Variants in IGSF11 observed in about 807,000 individuals in gnomAD.
IGSF11 encodes CXADR like 1.
In IGSF11, 22 loss-of-function variants were observed where a neutral mutation model predicts 41.0. That is an observed-to-expected ratio of 0.54 (90% CI 0.38 to 0.77). The LOEUF (loss-of-function observed/expected upper bound fraction) is 0.77, where lower values mean the gene tolerates loss of function less well. Ranked by LOEUF, IGSF11 falls within the 30% of genes least tolerant of loss-of-function variation. The pLI is 0.00. For missense variants in IGSF11, 444 were observed against 530.8 expected, an observed-to-expected ratio of 0.84 and a Z score of 1.61; for synonymous variants, 219 against 201.3, an observed-to-expected ratio of 1.09 and a Z score of -0.74.
chr3:119,077,102 G>A (rs993902353), intron 1 of IGSF11, among the ~76,000 whole-genome samples: 4 of 152,170 alleles, frequency 2.6e-5, no homozygotes, highest in African/African-American at 9.6e-5. Context: ...AAAAGGATGA[G>A]TTCATGTCCT....
intron 1 of IGSF11, among the ~76,000 whole-genome samples, chr3:118,953,362 G>A (rs531672387): frequency 1.3e-5 from 2 of 152,304 alleles, no homozygotes; most frequent in East Asian, 3.9e-4. Flanking sequence ...AAACACACAT[G>A]TGAAAGTATC....
At chr3:119,135,068 G>T (rs921119547) in intron 1 of IGSF11, among the ~76,000 whole-genome samples, 12 of 152,082 alleles carry the variant, frequency 7.9e-5, no homozygotes, top group Admixed American at 7.9e-4. Flanking sequence ...AATTCAAGAC[G>T]GATTAAAGAC....
At chr3:119,117,661 C>G (rs1475176679) in intron 1 of IGSF11, among the ~76,000 whole-genome samples, 3 of 152,168 alleles carry the variant, frequency 2.0e-5, no homozygotes, top group Non-Finnish European at 4.4e-5. Context: ...GCCTTCCCAA[C>G]AGTCCCCCAA....
chr3:119,065,303 G>C (rs1035264498), intron 1 of IGSF11, among the ~76,000 whole-genome samples: 2 of 152,076 alleles, frequency 1.3e-5, no homozygotes, highest in African/African-American at 2.4e-5. Context: ...TATATAGATT[G>C]TCTTCACTGA....
At chr3:118,939,023 T>C (rs150656589) in intron 1 of IGSF11, among the ~76,000 whole-genome samples, 1,649 of 152,280 alleles carry the variant, frequency 0.011, 30 homozygotes, top group African/African-American at 0.036. Flanking sequence ...CATTAACTTA[T>C]AGAACAGACA....
chr3:118,935,395 CAT>C (rs1377710910), intron 1 of IGSF11, among the ~76,000 whole-genome samples: 2,119 of 102,504 alleles, frequency 0.021, 60 homozygotes, highest in African/African-American at 0.064. Context: ...CACACACACA[CAT>C]ACACACACAC....
intron 1 of IGSF11, among the ~76,000 whole-genome samples, chr3:119,068,291 T>C (rs1942294119): frequency 1.3e-5 from 2 of 152,234 alleles, no homozygotes; most frequent in Non-Finnish European, 2.9e-5. Context: ...ATTTGTCCAC[T>C]TCTACCTATA....
intron 1 of IGSF11, among the ~76,000 whole-genome samples, chr3:118,991,503 A>T (rs1935790183): frequency 6.6e-6 from 1 of 152,244 alleles, no homozygotes; most frequent in Non-Finnish European, 1.5e-5. Context: ...GAAATACCAC[A>T]ATTAACCTGT....
intron 1 of IGSF11, among the ~76,000 whole-genome samples, chr3:119,118,461 G>A (rs1163692888): frequency 6.6e-6 from 1 of 152,182 alleles, no homozygotes; most frequent in Non-Finnish European, 1.5e-5. Context: ...GGGATGCAAG[G>A]CACCAAGTCC....
intron 4 of IGSF11, among the ~76,000 whole-genome samples, chr3:118,912,233 GT>G (rs1222806712): frequency 6.6e-6 from 1 of 151,958 alleles, no homozygotes; most frequent in African/African-American, 2.4e-5. Flanking sequence ...GAAGGGAGGT[GT>G]TTTTTTTCTA....
intron 1 of IGSF11, among the ~76,000 whole-genome samples, chr3:118,935,418 G>A (rs1054616869): frequency 6.1e-5 from 8 of 132,160 alleles, no homozygotes; most frequent in South Asian, 2.5e-4. Context: ...ATATACATAC[G>A]TATATACATA....
chr3:119,083,532 AC>A (rs2076620271), intron 1 of IGSF11, among the ~76,000 whole-genome samples: 16 of 46,064 alleles, frequency 3.5e-4, no homozygotes, highest in Admixed American at 5.7e-4. Context: ...ACACACACAC[AC>A]ACAAACACAC....
At chr3:119,065,579 G>A (rs548363955) in intron 1 of IGSF11, among the ~76,000 whole-genome samples, 7 of 152,156 alleles carry the variant, frequency 4.6e-5, no homozygotes, top group Non-Finnish European at 1.0e-4. Flanking sequence ...GATTACCTGA[G>A]GTCAGGAGGT....
At chr3:119,109,556 AT>A (rs201625137), upstream of IGSF11, among the ~76,000 whole-genome samples, 2,256 of 152,198 alleles carry the variant, frequency 0.015, 89 homozygotes, top group East Asian at 0.15. Flanking sequence ...GGATTCATTA[AT>A]TTTTTGAAGG....
intron 1 of IGSF11, among the ~76,000 whole-genome samples, chr3:119,071,828 A>G (rs1343321938): frequency 6.6e-6 from 1 of 152,154 alleles, no homozygotes; most frequent in Non-Finnish European, 1.5e-5. Flanking sequence ...CATGATATCC[A>G]TATGAATTTG....
At chr3:119,107,262 T>C (rs1301884217), upstream of IGSF11, among the ~76,000 whole-genome samples, 2 of 152,242 alleles carry the variant, frequency 1.3e-5, no homozygotes, top group East Asian at 1.9e-4. Flanking sequence ...GTTTCCTGAC[T>C]CTTCAATGAT....
intron 1 of IGSF11, among the ~76,000 whole-genome samples, chr3:118,982,690 T>A (rs1248266454): frequency 6.6e-6 from 1 of 152,132 alleles, no homozygotes; most frequent in Non-Finnish European, 1.5e-5. Context: ...TTAAGGAGGA[T>A]ATCTTAATGA....
At chr3:118,982,911 G>A (rs985557050) in intron 1 of IGSF11, among the ~76,000 whole-genome samples, 9 of 152,104 alleles carry the variant, frequency 5.9e-5, no homozygotes, top group South Asian at 2.1e-4. Flanking sequence ...ATTCCAAATG[G>A]TGATTTAGAA....
At chr3:119,030,593 T>C (rs1336885649) in intron 1 of IGSF11, among the ~76,000 whole-genome samples, 1 of 152,224 alleles carries the variant, frequency 6.6e-6, no homozygotes, top group East Asian at 1.9e-4. Flanking sequence ...TAGGCTTAAC[T>C]AATAAGTAAA....
Sources: gnomAD v4.1 joint callset for allele counts (sites outside exome capture counted in the v4.1 genomes callset) on GRCh38, gnomAD v4.1.1 for gene constraint, MANE v1.5 for transcripts, NCBI Gene and HGNC (gene_info 2026-07-23, HGNC 2026-07-21) for gene names.